SHANK2: variants seen among roughly 807,000 people sequenced by gnomAD.
SHANK2 encodes the protein SH3 and multiple ankyrin repeat domains 2.
SHANK2 carries 43 observed loss-of-function variants against 133.7 expected under a neutral mutation model. That is an observed-to-expected ratio of 0.32 (90% CI 0.25 to 0.41). SHANK2 has a LOEUF of 0.41. SHANK2 is among the 10% of genes least tolerant of loss of function. The pLI, the probability that SHANK2 is intolerant of heterozygous loss-of-function variation, is 1.00. For missense variants in SHANK2, 1,994 were observed against 2,235.8 expected (o/e 0.89, Z 2.18); for synonymous variants, 1,017 against 952.8 (o/e 1.07, Z -1.24).
intron 5 of SHANK2, among the ~76,000 whole-genome samples, chr11:71,113,072 A>G (rs906648598): frequency 6.6e-6 from 1 of 152,038 alleles, no homozygotes; most frequent in African/African-American, 2.4e-5. Flanking sequence ...CCCTTCCCCC[A>G]GCACCCACGG....
At chr11:71,167,831 G>A (rs1473546418) in intron 2 of SHANK2, among the ~76,000 whole-genome samples, 1 of 144,806 alleles carries the variant, frequency 6.9e-6, no homozygotes, top group East Asian at 2.2e-4. Flanking sequence ...CGGGGCGGCC[G>A]GCCAGGCAGA....
intron 1 of SHANK2, among the ~76,000 whole-genome samples, chr11:71,227,670 A>G (rs74629552): frequency 0.011 from 1,694 of 152,264 alleles, 28 homozygotes; most frequent in African/African-American, 0.039. Context: ...CAGGAAAATC[A>G]GCAAGGATAC....
chr11:70,492,639 T>G (rs1306809357), intron 21 of SHANK2, among the ~76,000 whole-genome samples, 174 bp from the exon 22 acceptor site: 3 of 152,180 alleles, frequency 2.0e-5, no homozygotes, highest in African/African-American at 7.2e-5. Flanking sequence ...CACTGGGGCA[T>G]GGGCTCCTTC....
intron 4 of SHANK2, among the ~76,000 whole-genome samples, chr11:71,114,614 G>A (rs141397122): frequency 2.4e-3 from 372 of 152,294 alleles, no homozygotes; most frequent in South Asian, 0.014. Context: ...GGGAGAAAGT[G>A]CGCTGGTCAG....
intron 2 of SHANK2, among the ~76,000 whole-genome samples, chr11:71,208,644 T>C (rs545260104): frequency 2.0e-5 from 3 of 152,182 alleles, no homozygotes; most frequent in Admixed American, 2.0e-4. Context: ...GAGCAGTCTC[T>C]GGAATACGAA....
chr11:70,713,601 G>A (rs1052215897), intron 14 of SHANK2, among the ~76,000 whole-genome samples: 1 of 152,220 alleles, frequency 6.6e-6, no homozygotes, highest in Non-Finnish European at 1.5e-5. Flanking sequence ...CCAGGGTGAG[G>A]TGTCAGCCTC....
chr11:71,063,366 T>C (rs1951010870), intron 9 of SHANK2, among the ~76,000 whole-genome samples: 3 of 152,204 alleles, frequency 2.0e-5, no homozygotes. Flanking sequence ...CAAGGGTACA[T>C]GGTTCACTTG....
intron 10 of SHANK2, among the ~76,000 whole-genome samples, chr11:70,938,522 G>A (rs1295750783): frequency 2.0e-5 from 3 of 152,184 alleles, no homozygotes; most frequent in Non-Finnish European, 4.4e-5. Context: ...ACATATATGT[G>A]TCATTTTGCT....
intron 14 of SHANK2, among the ~76,000 whole-genome samples, chr11:70,786,582 G>C (rs943150418): frequency 1.3e-5 from 2 of 152,194 alleles, no homozygotes; most frequent in Non-Finnish European, 2.9e-5. Context: ...TTACAGATGA[G>C]AAAGCTGAGA....
At chr11:70,635,021 T>TAAA (rs2061052988) in intron 17 of SHANK2, 2 of 152,138 alleles carry the variant, frequency 1.3e-5, no homozygotes, top group Admixed American at 1.3e-4. Flanking sequence ...CTCACACCTG[T>TAAA]TAGGATGGCC....
Position 71,211,120 on chromosome 11 carries a change from G to A in SHANK2, c.-13+13577C>T, listed in dbSNP as rs150573801. Reference sequence around the variant, plus strand: ...GCTCCCTGAGACACCCACAGGCCCCGTGGCTACTCCATATTCCCTGGCACC... The same window carrying A: ...GCTCCCTGAGACACCCACAGGCCCCATGGCTACTCCATATTCCCTGGCACC... On this transcript the variant is annotated intron_variant, in intron 2 of 25. Coordinates refer to ENST00000601538, the MANE Select transcript of SHANK2 (RefSeq NM_012309.5). 2.9e-3 allele frequency among the ~76,000 whole-genome samples: 440 copies of A among 150,834 alleles called. 1 individual carries two copies. The highest frequency in any genetic ancestry group is 0.01 in the African/African-American group (422 of 40,928).
chr11:70,946,554 G>A (rs1315886095), intron 10 of SHANK2, among the ~76,000 whole-genome samples: 1 of 133,056 alleles, frequency 7.5e-6, no homozygotes, highest in Non-Finnish European at 1.6e-5. Flanking sequence ...TCTTCCCCAG[G>A]GTCAGCCTTC....
chr11:71,206,286 G>A (rs571111801), intron 2 of SHANK2, among the ~76,000 whole-genome samples: 1 of 152,280 alleles, frequency 6.6e-6, no homozygotes. Context: ...AACAGCATCC[G>A]CACACCCGGA....
intron 15 of SHANK2, among the ~76,000 whole-genome samples, chr11:70,676,885 A>G (rs1555017341): frequency 6.6e-6 from 1 of 152,178 alleles, no homozygotes; most frequent in Non-Finnish European, 1.5e-5. Flanking sequence ...ATCTAGTCAC[A>G]ACCCCTCATC....
intron 21 of SHANK2, 151 bp from the exon 22 acceptor site, chr11:70,492,616 C>T (rs546725727): frequency 2.0e-6 from 2 of 1,021,708 alleles, no homozygotes; most frequent in Non-Finnish European, 1.5e-6. Context: ...TGTGCCTCTG[C>T]CACATGCATT....
intron 1 of SHANK2, among the ~76,000 whole-genome samples, chr11:71,249,732 G>A (rs528029822): frequency 3.7e-4 from 57 of 152,358 alleles, no homozygotes; most frequent in African/African-American, 1.3e-3. Context: ...TACGTATTTG[G>A]AAGTAAGGCA....
intron 14 of SHANK2, among the ~76,000 whole-genome samples, chr11:70,789,379 T>C (rs1947738797): frequency 1.3e-5 from 2 of 152,270 alleles, no homozygotes; most frequent in South Asian, 2.1e-4. Context: ...GGCTAGCTTC[T>C]AGAAACTTCT....
chr11:70,721,143 C>T (rs782279120), intron 14 of SHANK2, among the ~76,000 whole-genome samples: 23 of 152,186 alleles, frequency 1.5e-4, no homozygotes, highest in Admixed American at 5.2e-4. Context: ...ATCTCTCCAC[C>T]GACGTCTAGG....
chr11:70,913,966 G>C (rs182919320), intron 10 of SHANK2, among the ~76,000 whole-genome samples: 1 of 152,176 alleles, frequency 6.6e-6, no homozygotes, highest in East Asian at 1.9e-4. Flanking sequence ...GGGTGTTCTC[G>C]TTAGAGCAGT....
Sources: gnomAD v4.1 joint callset for allele counts (sites outside exome capture counted in the v4.1 genomes callset) on GRCh38, gnomAD v4.1.1 for gene constraint, MANE v1.5 for transcripts, NCBI Gene and HGNC (gene_info 2026-07-23, HGNC 2026-07-21) for gene names.